Variants in PLSCR5 observed in about 807,000 individuals in gnomAD.
PLSCR5 encodes phospholipid scramblase family member 5.
In PLSCR5, 44 loss-of-function variants were observed where a neutral mutation model predicts 33.6. That is an observed-to-expected ratio of 1.31 (90% confidence interval 1.03 to 1.69). The LOEUF (loss-of-function observed/expected upper bound fraction) is 1.69, where lower values mean the gene tolerates loss of function less well. Among genes scored for constraint, PLSCR5 ranks in the 40% most tolerant of loss-of-function variants. The pLI is 0.00. For synonymous variants in PLSCR5, 148 were observed against 112.3 expected, an observed-to-expected ratio of 1.32 and a Z score of -2.01; for missense variants, 375 against 318.7, an observed-to-expected ratio of 1.18 and a Z score of -1.34.
At position 146,601,714 on chromosome 3, in the gene PLSCR5, T is replaced by A. The variant is rs1371357751; in HGVS notation, c.14-1251A>T. 3.3e-5 allele frequency among the ~76,000 whole-genome samples: 5 copies of A among 152,138 alleles called. No homozygotes were observed. The East Asian group carries it at 9.6e-4, about 29-fold the overall frequency. ...ATATAATTAGCAGCAAATTACAATG[T>A]TCTCACTTCAGCAATGACTCTCAAA... is the stretch of plus-strand genomic sequence containing the variant. On this transcript the variant is annotated intron_variant, in intron 1 of 7. Coordinates refer to ENST00000443512, the MANE Select transcript of PLSCR5 (RefSeq NM_001085420.2).
chr3:146,601,056 C>A (rs145031927), intron 1 of PLSCR5, among the ~76,000 whole-genome samples: 3 of 150,024 alleles, frequency 2.0e-5, no homozygotes, highest in African/African-American at 7.3e-5. Flanking sequence ...GTAGCTCACC[C>A]AATATTACAA....
chr3:146,585,987 T>A (rs1460984198), intron 7 of PLSCR5, 43 bp downstream of exon 7: 3 of 1,313,922 alleles, frequency 2.3e-6, no homozygotes, highest in Non-Finnish European at 3.0e-6. Flanking sequence ...AATATAGACA[T>A]CTTCAAAGGG....
downstream of PLSCR5, among the ~76,000 whole-genome samples, chr3:146,583,035 A>G (rs560979944): frequency 1.1e-4 from 17 of 151,932 alleles, no homozygotes; most frequent in African/African-American, 2.9e-4. Context: ...CCCATTCCCT[A>G]GCCCCCTGCT....
chr3:146,582,419 G>A (rs1021864092), downstream of PLSCR5, among the ~76,000 whole-genome samples: 15 of 152,316 alleles, frequency 9.8e-5, no homozygotes, highest in African/African-American at 3.6e-4. Flanking sequence ...GGAGGACAGA[G>A]TGGAGCTACC....
At chr3:146,580,936 T>C (rs1479941926), downstream of PLSCR5, among the ~76,000 whole-genome samples, 1 of 152,218 alleles carries the variant, frequency 6.6e-6, no homozygotes, top group Non-Finnish European at 1.5e-5. Context: ...TAGGAAAGAA[T>C]TGATTGTTCA....
chr3:146,603,834 T>C (rs1307504958), intron 1 of PLSCR5, among the ~76,000 whole-genome samples: 1 of 149,972 alleles, frequency 6.7e-6, no homozygotes, highest in Non-Finnish European at 1.5e-5. Context: ...TTTGTCAAGG[T>C]TTTTTGTTTA....
chr3:146,598,001 G>A (rs1688067721), intron 2 of PLSCR5, among the ~76,000 whole-genome samples: 1 of 151,900 alleles, frequency 6.6e-6, no homozygotes, highest in Admixed American at 6.6e-5. Context: ...GTATGAACAT[G>A]TAAATTTAAT....
downstream of PLSCR5, among the ~76,000 whole-genome samples, chr3:146,582,353 G>C (rs540878254): frequency 1.3e-5 from 2 of 152,206 alleles, no homozygotes; most frequent in Non-Finnish European, 2.9e-5. Flanking sequence ...CACATGTGCA[G>C]TAAGGGGAAC....
intron 7 of PLSCR5, among the ~76,000 whole-genome samples, chr3:146,579,580 ATTTATCTAACAAGT>A (rs1386393587): frequency 6.6e-6 from 1 of 152,130 alleles, no homozygotes; most frequent in East Asian, 1.9e-4. Context: ...GGAAAGTCTG[ATTTATCTAACAAGT>A]TTTAGCTTCC....
chr3:146,591,972 T>A (rs1401439417), intron 4 of PLSCR5, 91 bp from the exon 5 acceptor site: 5 of 1,069,854 alleles, frequency 4.7e-6, no homozygotes, highest in Non-Finnish European at 6.6e-6. Context: ...AACAATATAC[T>A]GTTATAAAAT....
chr3:146,584,860 A>G (rs906045980), downstream of PLSCR5, among the ~76,000 whole-genome samples: 2 of 152,172 alleles, frequency 1.3e-5, no homozygotes, highest in Non-Finnish European at 2.9e-5. Context: ...TGACTAACTT[A>G]GTAACAGATG....
At chr3:146,603,286 G>A (rs1402269533) in intron 1 of PLSCR5, among the ~76,000 whole-genome samples, 3 of 152,112 alleles carry the variant, frequency 2.0e-5, no homozygotes, top group Non-Finnish European at 4.4e-5. Flanking sequence ...TTTATATACA[G>A]CTGAAGAAAA....
intron 5 of PLSCR5, among the ~76,000 whole-genome samples, chr3:146,591,148 T>C (rs2044711087): frequency 6.6e-6 from 1 of 150,572 alleles, no homozygotes; most frequent in Non-Finnish European, 1.5e-5. Context: ...AGATACATAA[T>C]TTAGGTGATT....
At chr3:146,578,932 A>G (rs574337419) in intron 7 of PLSCR5, among the ~76,000 whole-genome samples, 73 of 152,182 alleles carry the variant, frequency 4.8e-4, no homozygotes, top group African/African-American at 1.7e-3. Context: ...TCAGCCAGCA[A>G]AAGTTACTAT....
chr3:146,591,973 G>A, intron 4 of PLSCR5, 92 bp from the exon 5 acceptor site: 1 of 1,059,654 alleles, frequency 9.4e-7, no homozygotes, highest in Non-Finnish European at 1.3e-6. Flanking sequence ...ACAATATACT[G>A]TTATAAAATT....
Position 146,591,901 on chromosome 3 carries a change from T to A in PLSCR5, c.454-20A>T. ...TTCTAACTGTAAGAAGAGATAATGA[T>A]AAAATAAGATTTTCTTAGGTTATCA... On this transcript the variant is annotated intron_variant, in intron 4 of 7. Coordinates refer to ENST00000443512, the MANE Select transcript of PLSCR5 (RefSeq NM_001085420.2). The A allele has an allele frequency of 6.5e-7, 1 of 1,546,986 alleles. No homozygotes were observed. Among genetic ancestry groups the A allele is most frequent in the African/African-American group, 1.4e-5 (1 of 72,266 alleles).
At chr3:146,604,792 T>A (rs55775630) in intron 1 of PLSCR5, among the ~76,000 whole-genome samples, 29,962 of 152,028 alleles carry the variant, frequency 0.2, 3,027 homozygotes, top group Middle Eastern at 0.23. Context: ...AAATTTTTAA[T>A]ATTTTAATTA....
chr3:146,580,928 G>A (rs1252599883), downstream of PLSCR5, among the ~76,000 whole-genome samples: 1 of 152,032 alleles, frequency 6.6e-6, no homozygotes, highest in Non-Finnish European at 1.5e-5. Context: ...CATCCTTCTA[G>A]GAAAGAATTG....
chr3:146,600,725 C>T lies in PLSCR5; in HGVS notation c.14-262G>A, dbSNP rs1264804638. On this transcript the variant is annotated intron_variant, in intron 1 of 7. Transcript: ENST00000443512. The stretch of plus-strand genomic sequence containing the variant: ...ATAAAAGACTTTAGAAAAAAATATG[C>T]ATATGTGTATATGTATCTGTATATA... Among the ~76,000 whole-genome samples, 4 of 150,918 alleles carry T rather than the reference C, an allele frequency of 2.7e-5. No homozygotes were observed. The East Asian group carries it at 5.8e-4, about 22-fold the overall frequency.
Sources: gnomAD v4.1 joint callset for allele counts (sites outside exome capture counted in the v4.1 genomes callset) on GRCh38, gnomAD v4.1.1 for gene constraint, MANE v1.5 for transcripts, NCBI Gene and HGNC (gene_info 2026-07-23, HGNC 2026-07-21) for gene names.